The following NMD3 variants were observed in gnomAD, a reference collection of about 807,000 sequenced individuals.
The protein encoded by NMD3 is NMD3 ribosome export adaptor.
NMD3 carries 47 observed loss-of-function variants against 73.1 expected under a neutral mutation model. That is an observed-to-expected ratio of 0.64 (90% confidence interval 0.51 to 0.82). The LOEUF (loss-of-function observed/expected upper bound fraction) is 0.82, where lower values mean the gene tolerates loss of function less well. Ranked by LOEUF, NMD3 falls within the 40% of genes least tolerant of loss-of-function variation. The pLI is 0.00. For synonymous variants in NMD3, 210 were observed against 194.5 expected, an observed-to-expected ratio of 1.08 and a Z score of -0.66; for missense variants, 554 against 612.5, an observed-to-expected ratio of 0.90 and a Z score of 1.01.
At chr3:161,230,528 G>A (rs1222008997) in intron 4 of NMD3, among the ~76,000 whole-genome samples, 1 of 152,102 alleles carries the variant, frequency 6.6e-6, no homozygotes, top group African/African-American at 2.4e-5. Flanking sequence ...GAAATTGCAG[G>A]GAGAAGAATA....
intron 4 of NMD3, among the ~76,000 whole-genome samples, chr3:161,232,192 C>T (rs1736571744): frequency 7.5e-6 from 1 of 133,988 alleles, no homozygotes; most frequent in Admixed American, 8.2e-5. Flanking sequence ...GAATAGGAAT[C>T]TGCCTATCAC....
intron 3 of NMD3, among the ~76,000 whole-genome samples, chr3:161,225,920 G>A (rs978449948): frequency 6.6e-6 from 1 of 151,838 alleles, no homozygotes; most frequent in Non-Finnish European, 1.5e-5. Flanking sequence ...ACTGTTTCAG[G>A]GAGTTTACAG....
At chr3:161,232,819 C>A (rs899239392) in intron 4 of NMD3, among the ~76,000 whole-genome samples, 1 of 152,174 alleles carries the variant, frequency 6.6e-6, no homozygotes, top group Non-Finnish European at 1.5e-5. Context: ...CCCACCCACC[C>A]CTTCTCCCCA....
intron 4 of NMD3, among the ~76,000 whole-genome samples, chr3:161,230,181 C>T (rs1287519414): frequency 6.6e-6 from 1 of 152,160 alleles, no homozygotes; most frequent in Non-Finnish European, 1.5e-5. Context: ...TCACTGCAGC[C>T]TCAAACTCCT....
In NMD3 at chr3:161,251,057, A is replaced by C. The variant is rs1737468465; in HGVS notation, c.*147A>C. ...ACATGTTTGTTTTCAGTGCTCACTC[A>C]AACCACTAAAACAGATGGATAGCTT... On this transcript the variant is annotated 3_prime_UTR_variant, in exon 16 of 16. Transcript: ENST00000351193. 5.7e-6 allele frequency: 3 copies of C among 530,176 alleles called. No homozygotes were observed. Among genetic ancestry groups the C allele is most frequent in the East Asian group, 6.1e-5 (2 of 32,848 alleles). 32.8% of individuals were successfully genotyped at this position (530,176 alleles called of 1,614,324 possible). A position where few individuals can be genotyped will look rare whatever the true frequency, so the allele number is the denominator to read the frequency against.
chr3:161,250,430 A>G (rs1737437119), intron 15 of NMD3, 104 bp downstream of exon 15: 6 of 699,710 alleles, frequency 8.6e-6, no homozygotes, highest in Non-Finnish European at 1.2e-5. Context: ...AATGTCTTTA[A>G]TTGTTTTTTC....
chr3:161,227,242 T>C lies in NMD3; in HGVS notation c.180-5T>C. On this transcript the variant is annotated splice_polypyrimidine_tract_variant and splice_region_variant and intron_variant, in intron 3 of 15. Transcript: ENST00000351193. ...TGGATTTCAGTATGTTATCTTCTCT[T>C]TTAGGTATTTTCAACCACCAGGAAC... The C allele has an allele frequency of 6.4e-7, 1 of 1,573,320 alleles. No individual in the cohort carries two copies. The highest frequency in any genetic ancestry group is 8.7e-7 in the Non-Finnish European group (1 of 1,147,432).
rs764795730 is a variant in NMD3, at chr3:161,250,762, C to T, written c.1382-18C>T. On this transcript the variant is annotated intron_variant, in intron 15 of 15. Transcript: ENST00000351193. ...ATAAATACTTTGTATTTATTTTATTCTCTTTGTATTTTTTTAGATTCAGCC... is the reference window on the plus strand; with the variant it reads ...ATAAATACTTTGTATTTATTTTATTTTCTTTGTATTTTTTTAGATTCAGCC... 1.3e-6 allele frequency: 2 copies of T among 1,539,770 alleles called. No homozygotes were observed. Among genetic ancestry groups the T allele is most frequent in the Non-Finnish European group, 1.8e-6 (2 of 1,119,462 alleles).
At chr3:161,239,137 T>C (rs77557951) in intron 9 of NMD3, among the ~76,000 whole-genome samples, 4,846 of 152,200 alleles carry the variant, frequency 0.032, 118 homozygotes, top group Non-Finnish European at 0.031. Flanking sequence ...TTCAGTGAAA[T>C]TGAATAAAAG....
intron 8 of NMD3, 151 bp downstream of exon 8, chr3:161,238,342 C>G: frequency 1.6e-6 from 1 of 613,940 alleles, no homozygotes; most frequent in Non-Finnish European, 2.8e-6. Flanking sequence ...GTTAACCACC[C>G]ACTCACAGAG....
intron 4 of NMD3, among the ~76,000 whole-genome samples, chr3:161,230,775 A>G (rs9819793): frequency 0.051 from 7,713 of 152,270 alleles, 500 homozygotes; most frequent in African/African-American, 0.14. Flanking sequence ...TGGTAACAGC[A>G]GGGAAGGTGT....
chr3:161,225,650 C>T lies in NMD3; in HGVS notation c.179+586C>T, dbSNP rs548964965. ...GCATAAACAACTTACATCTATTAGG[C>T]CATTGAGTAACACAAAACTGCCTAA... On this transcript the variant is annotated intron_variant, in intron 3 of 15. Coordinates refer to ENST00000351193, the MANE Select transcript of NMD3 (RefSeq NM_015938.5). 9.9e-4 allele frequency among the ~76,000 whole-genome samples: 151 copies of T among 152,168 alleles called. 2 individuals carry two copies. The highest frequency in any genetic ancestry group is 3.2e-3 in the African/African-American group (132 of 41,518).
In NMD3 at chr3:161,242,562, A is replaced by G; in HGVS notation, c.926A>G (p.His309Arg). The G allele has an allele frequency of 6.2e-7, 1 of 1,613,798 alleles. No homozygotes were observed. Among genetic ancestry groups the G allele is most frequent in the Non-Finnish European group, 8.5e-7 (1 of 1,179,766 alleles). ...AGTCACCCTTTCAATAGTTTATGTC[A>G]TCCCAAACAGCTAGAGGAGTTTATT... is the stretch of plus-strand genomic sequence containing the variant. ...FWSHPFNSLCHPKQLEEFIVM... is the reference protein window; with the variant it reads ...FWSHPFNSLCRPKQLEEFIVM... The change falls in exon 11 of 16, where the codon CAT becomes CGT. Residue 309 changes from histidine to arginine, a missense_variant. Coordinates refer to ENST00000351193, the MANE Select transcript of NMD3 (RefSeq NM_015938.5).
chr3:161,241,255 A>C (rs1736974770), intron 10 of NMD3, 92 bp downstream of exon 10: 1 of 808,702 alleles, frequency 1.2e-6, no homozygotes, highest in South Asian at 1.5e-5. Context: ...ATTCTTGCTA[A>C]TATTGTTTTG....
At chr3:161,245,731 A>G (rs1223583847) in intron 11 of NMD3, among the ~76,000 whole-genome samples, 1 of 151,962 alleles carries the variant, frequency 6.6e-6, no homozygotes, top group Non-Finnish European at 1.5e-5. Flanking sequence ...TAGTTTAAAA[A>G]TTGGGATGTT....
chr3:161,234,706 G>A (rs758077387), intron 5 of NMD3, 21 bp from the exon 6 acceptor site: 3 of 1,576,452 alleles, frequency 1.9e-6, no homozygotes, highest in Non-Finnish European at 2.6e-6. Context: ...AAAGAATGAA[G>A]GAGTGTAATT....
chr3:161,239,517 A>G (rs1736889873), intron 9 of NMD3, among the ~76,000 whole-genome samples: 1 of 152,190 alleles, frequency 6.6e-6, no homozygotes. Context: ...CATAAAGTTA[A>G]TCTAGATACT....
chr3:161,234,882 C>G (rs1182535522), intron 6 of NMD3, 27 bp downstream of exon 6: 2 of 1,604,578 alleles, frequency 1.2e-6, no homozygotes, highest in Non-Finnish European at 1.7e-6. Context: ...ATGAGTGAGT[C>G]CTACATCTTA....
chr3:161,241,000 G>A (rs1356754133), intron 9 of NMD3, 46 bp from the exon 10 acceptor site: 1 of 1,208,482 alleles, frequency 8.3e-7, no homozygotes, highest in Admixed American at 1.8e-5. Flanking sequence ...TTATTGGACT[G>A]TTATTTAGGA....
Sources: gnomAD v4.1 joint callset for allele counts (sites outside exome capture counted in the v4.1 genomes callset) on GRCh38, gnomAD v4.1.1 for gene constraint, MANE v1.5 for transcripts, NCBI Gene and HGNC (gene_info 2026-07-23, HGNC 2026-07-21) for gene names.